GRM4: variants seen among roughly 807,000 people sequenced by gnomAD.
The protein encoded by GRM4 is metabotropic glutamate receptor 4.
A neutral mutation model predicts 81.7 loss-of-function variants in GRM4; 28 were observed. The observed-to-expected ratio is 0.34, with a 90% confidence interval of 0.25 to 0.47. GRM4 has a LOEUF of 0.47. GRM4 is among the 20% of genes least tolerant of loss of function. The probability of loss-of-function intolerance (pLI) is 1.00; values close to 1 mark genes in which losing one functional copy is unlikely to be tolerated. For missense variants in GRM4, 948 were observed against 1,290.0 expected, an observed-to-expected ratio of 0.73 and a Z score of 4.06; for synonymous variants, 488 against 528.8, an observed-to-expected ratio of 0.92 and a Z score of 1.06.
chr6:34,051,744 C>T (rs951411950), intron 6 of GRM4, among the ~76,000 whole-genome samples: 1 of 152,150 alleles, frequency 6.6e-6, no homozygotes, highest in Non-Finnish European at 1.5e-5. Flanking sequence ...GATCCACAGG[C>T]CATCTGCAAG....
intron 2 of GRM4, among the ~76,000 whole-genome samples, chr6:34,107,528 C>G (rs144772108): frequency 6.6e-6 from 1 of 152,102 alleles, no homozygotes; most frequent in African/African-American, 2.4e-5. Flanking sequence ...GATGAGAGCC[C>G]GGAACAAGGT....
At chr6:34,131,900 T>G (rs146840043) in intron 2 of GRM4, among the ~76,000 whole-genome samples, 1 of 152,178 alleles carries the variant, frequency 6.6e-6, no homozygotes, top group East Asian at 1.9e-4. Context: ...GCTTCCTCTG[T>G]GTCCCTTCCT....
At chr6:34,083,464 C>T (rs555955186) in intron 3 of GRM4, among the ~76,000 whole-genome samples, 40 of 152,310 alleles carry the variant, frequency 2.6e-4, no homozygotes, top group South Asian at 1.5e-3. Flanking sequence ...CCAGCTGGCG[C>T]GTGGTGGGTC....
chr6:34,091,866 C>A lies in GRM4; in HGVS notation c.736+17G>T. ...CCCCGAGCCTGGCATGACTCTGCGG[C>A]CAGGCGTTTGACTCACCGTCCTCAC... On this transcript the variant is annotated intron_variant, in intron 3 of 10. Transcript: ENST00000538487. 6.3e-7 allele frequency: 1 copy of A among 1,580,660 alleles called. No homozygotes were observed. Among genetic ancestry groups the A allele is most frequent in the Non-Finnish European group, 8.7e-7 (1 of 1,152,724 alleles).
At position 34,036,905 on chromosome 6, in the gene GRM4, C is replaced by A. The variant is rs1397353902; in HGVS notation, c.1507-302G>T. Among the ~76,000 whole-genome samples the A allele has an allele frequency of 1.3e-5, 2 of 152,212 alleles. No homozygotes were observed. The highest frequency in any genetic ancestry group is 4.8e-5 in the African/African-American group (2 of 41,462). On this transcript the variant is annotated intron_variant, in intron 8 of 10. Coordinates refer to ENST00000538487, the MANE Select transcript of GRM4 (RefSeq NM_000841.4). The surrounding 1 kb of genome is among the most constrained non-coding windows in gnomAD (Gnocchi z 9.0). ...AGTGACAACCTAGAGTCACAGGAAACAACAGTGCAGAGCAAAGAGAACTCA... is the reference window on the plus strand; with the variant it reads ...AGTGACAACCTAGAGTCACAGGAAAAAACAGTGCAGAGCAAAGAGAACTCA...
chr6:34,120,394 C>T (rs1561824595), intron 2 of GRM4, among the ~76,000 whole-genome samples: 1 of 152,152 alleles, frequency 6.6e-6, no homozygotes, highest in Non-Finnish European at 1.5e-5. Context: ...CAGGTGAGGG[C>T]TCCTGGCTTC....
upstream of GRM4, among the ~76,000 whole-genome samples, chr6:34,146,524 C>G (rs1459703869): frequency 6.6e-6 from 1 of 152,138 alleles, no homozygotes; most frequent in Non-Finnish European, 1.5e-5. Flanking sequence ...AGGCAGGCAG[C>G]GTGGAAGTGA....
intron 2 of GRM4, among the ~76,000 whole-genome samples, chr6:34,120,815 C>T (rs1027797380): frequency 6.6e-5 from 10 of 152,286 alleles, no homozygotes; most frequent in Non-Finnish European, 1.0e-4. Context: ...AGGGTGGTCT[C>T]GATCTCCTGA....
chr6:34,037,406 C>A lies in GRM4; in HGVS notation c.1507-803G>T, dbSNP rs142429186. Among the ~76,000 whole-genome samples the A allele has an allele frequency of 5.0e-4, 76 of 152,326 alleles. 1 individual carries two copies. The highest frequency in any genetic ancestry group is 1.8e-3 in the African/African-American group (74 of 41,566). On this transcript the variant is annotated intron_variant, in intron 8 of 10. Transcript: ENST00000538487. Reference sequence around the variant, plus strand: ...GGCATCAGGCAAAGGGACTTGACTACACCTGGGAGCTGTATTCAAAGCGAC... The same window carrying A: ...GGCATCAGGCAAAGGGACTTGACTAAACCTGGGAGCTGTATTCAAAGCGAC...
At chr6:34,031,449 G>GA (rs780242190) in intron 9 of GRM4, among the ~76,000 whole-genome samples, 6 of 152,220 alleles carry the variant, frequency 3.9e-5, no homozygotes, top group Non-Finnish European at 8.8e-5. Flanking sequence ...TGTGGATGAT[G>GA]AATTTCCTGC....
At chr6:34,029,462 G>A (rs1341704104) in intron 9 of GRM4, among the ~76,000 whole-genome samples, 1 of 152,160 alleles carries the variant, frequency 6.6e-6, no homozygotes, top group Non-Finnish European at 1.5e-5. Context: ...TAGGGACCAG[G>A]TCTTCCCATT....
chr6:34,114,643 G>A lies in GRM4; in HGVS notation c.519+18335C>T, dbSNP rs532362001. On this transcript the variant is annotated intron_variant, in intron 2 of 10. Coordinates refer to ENST00000538487, the MANE Select transcript of GRM4 (RefSeq NM_000841.4). The surrounding 1 kb of genome is among the most constrained non-coding windows in gnomAD (Gnocchi z 4.3). ...TCACAGACAAGCCCAAGGTCCCACC[G>A]GTGCCCACCCTCTACCCTGAGGACA... 1.2e-4 allele frequency among the ~76,000 whole-genome samples: 18 copies of A among 151,580 alleles called. No homozygotes were observed. Among genetic ancestry groups the A allele is most frequent in the Non-Finnish European group, 2.4e-4 (16 of 67,932 alleles).
Position 34,130,314 on chromosome 6 carries a change from T to C in GRM4, c.519+2664A>G, listed in dbSNP as rs543073210. The stretch of plus-strand genomic sequence containing the variant: ...CCCCGCTGTCCCTCCCTTTCCTTGC[T>C]GTCCTGCTTTCTTCTCCACTCCCCA... On this transcript the variant is annotated intron_variant, in intron 2 of 10. Transcript: ENST00000538487. The surrounding 1 kb of genome is among the most constrained non-coding windows in gnomAD (Gnocchi z 4.1). Among the ~76,000 whole-genome samples the C allele has an allele frequency of 2.0e-5, 3 of 152,296 alleles. No homozygotes were observed. The highest frequency in any genetic ancestry group is 7.2e-5 in the African/African-American group (3 of 41,552).
intron 3 of GRM4, among the ~76,000 whole-genome samples, chr6:34,067,252 T>C (rs886559324): frequency 6.6e-6 from 1 of 152,110 alleles, no homozygotes; most frequent in South Asian, 2.1e-4. Flanking sequence ...TTCCTGGTGG[T>C]CTCCAGGCCC....
chr6:34,139,373 T>C (rs1770588297), intron 1 of GRM4, among the ~76,000 whole-genome samples: 1 of 152,030 alleles, frequency 6.6e-6, no homozygotes, highest in Non-Finnish European at 1.5e-5. Context: ...GTAATTCTTT[T>C]GCCTAATGCC....
chr6:34,032,435 T>TGGCCCAGACACAG (rs1223352896), intron 9 of GRM4, among the ~76,000 whole-genome samples: 1 of 152,212 alleles, frequency 6.6e-6, no homozygotes, highest in Non-Finnish European at 1.5e-5. Flanking sequence ...CGGCATGACA[T>TGGCCCAGACACAG]GGCCCAGACA....
intron 9 of GRM4, among the ~76,000 whole-genome samples, 189 bp from the exon 10 acceptor site, chr6:34,028,555 G>A (rs1409143943): frequency 6.6e-6 from 1 of 152,228 alleles, no homozygotes; most frequent in Non-Finnish European, 1.5e-5. Context: ...CCAGCTGTGT[G>A]ATATTAGACA....
rs200437645 is a variant in GRM4 at position 34,044,225 on chromosome 6, TAC to T, written c.1169-3479_1169-3478del. On this transcript the variant is annotated intron_variant, in intron 6 of 10. Coordinates refer to ENST00000538487, the MANE Select transcript of GRM4 (RefSeq NM_000841.4). ...ATATATATACATACATACACATATA[TAC>T]AGACACACACATACACACACAGAGA... Among the ~76,000 whole-genome samples, 12 of 141,800 alleles carry T rather than the reference TAC, an allele frequency of 8.5e-5. No homozygotes were observed. The South Asian group carries it at 2.5e-3, about 29-fold the overall frequency. 93.0% of individuals were successfully genotyped at this position (141,800 alleles called of 152,430 possible). A position where few individuals can be genotyped will look rare whatever the true frequency, so the allele number is the denominator to read the frequency against.
intron 3 of GRM4, among the ~76,000 whole-genome samples, chr6:34,076,834 A>C (rs998187088): frequency 6.6e-6 from 1 of 152,006 alleles, no homozygotes; most frequent in African/African-American, 2.4e-5. Context: ...TGTTGGGAAA[A>C]GGCTTGGAGC....
Sources: allele counts gnomAD v4.1 joint callset (sites outside exome capture counted in the v4.1 genomes callset), GRCh38; gene constraint gnomAD v4.1.1; non-coding constraint Gnocchi (gnomAD v3.1); transcripts MANE v1.5; gene names NCBI Gene and HGNC (gene_info 2026-07-23, HGNC 2026-07-21).